The following ANKRD30A variants were observed in gnomAD, a reference collection of about 807,000 sequenced individuals.
ANKRD30A encodes ankyrin repeat domain 30A.
A neutral mutation model predicts 166.3 loss-of-function variants in ANKRD30A; 170 were observed. That is an observed-to-expected ratio of 1.02 (90% CI 0.90 to 1.16). ANKRD30A has a LOEUF of 1.16. ANKRD30A is among the 50% of genes most tolerant of loss of function. The pLI is 0.00. For missense variants in ANKRD30A, 1,630 were observed against 1,518.0 expected, an observed-to-expected ratio of 1.07 and a Z score of -1.23; for synonymous variants, 564 against 508.9, an observed-to-expected ratio of 1.11 and a Z score of -1.46.
At chr10:37,152,036 G>A in intron 11 of ANKRD30A, 24 bp from the exon 12 acceptor site, 2 of 1,578,480 alleles carry the variant, frequency 1.3e-6, no homozygotes, top group Non-Finnish European at 1.7e-6. Context: ...TGTCATGAAT[G>A]TTTCTGTGAT....
At chr10:37,166,812 A>G in intron 19 of ANKRD30A, 117 bp downstream of exon 19, 1 of 1,417,282 alleles carries the variant, frequency 7.1e-7, no homozygotes, top group Non-Finnish European at 9.5e-7. Context: ...CATGGAAAAA[A>G]AGAGAAGTGC....
chr10:37,149,674 T>C lies in ANKRD30A; in HGVS notation c.1567T>C (p.Phe523Leu), dbSNP rs1423000741. 2.5e-6 allele frequency: 4 copies of C among 1,612,478 alleles called. No individual in the cohort carries two copies. The highest frequency in any genetic ancestry group is 3.3e-5 in the Admixed American group (2 of 59,952). The change falls in exon 10 of 36, where the codon TTC becomes CTC. Residue 523 changes from phenylalanine to leucine, a missense_variant. Around this residue, in one of 4 missense-constraint regions of ANKRD30A, gnomAD observed 904 missense variants for 818.5 expected, o/e 1.10. Transcript: ENST00000361713. ...VEEPPKKPSA[F>L]KPAIEMQNSV... ...AGAGCCTCCTAAGAAGCCATCTGCC[T>C]TCAAGGTATTTAGTTTTATTATTTC...
At chr10:37,207,412 G>T (rs1842057752) in intron 31 of ANKRD30A, among the ~76,000 whole-genome samples, 2 of 151,930 alleles carry the variant, frequency 1.3e-5, no homozygotes, top group South Asian at 4.2e-4. Context: ...ATGATAAATG[G>T]GCTCTAAATG....
At chr10:37,201,028 C>T (rs1841580673) in intron 30 of ANKRD30A, among the ~76,000 whole-genome samples, 1 of 151,804 alleles carries the variant, frequency 6.6e-6, no homozygotes, top group African/African-American at 2.4e-5. Context: ...AGTTAATGGC[C>T]ACATGGACAT....
intron 29 of ANKRD30A, among the ~76,000 whole-genome samples, chr10:37,198,595 A>T (rs1303471046): frequency 6.6e-6 from 1 of 152,088 alleles, no homozygotes; most frequent in Middle Eastern, 3.4e-3. Context: ...CTTCTTAGAG[A>T]TATGGTGTTG....
the ANKRD30A span, among the ~76,000 whole-genome samples, chr10:37,256,122 A>G: frequency 6.6e-6 from 1 of 152,044 alleles, no homozygotes. Context: ...CTAGACATTC[A>G]CTTAACTCAT....
chr10:37,229,366 T>C (rs1488678321), intron 34 of ANKRD30A, among the ~76,000 whole-genome samples: 3 of 151,968 alleles, frequency 2.0e-5, no homozygotes, highest in African/African-American at 7.2e-5. Context: ...TATTTTTAGT[T>C]GACATGTACA....
chr10:37,137,873 G>A (rs1267355221), intron 6 of ANKRD30A, among the ~76,000 whole-genome samples: 3 of 152,150 alleles, frequency 2.0e-5, no homozygotes, highest in Non-Finnish European at 4.4e-5. Flanking sequence ...GAAGAGAGTA[G>A]TGGTTCTCGC....
downstream of ANKRD30A, among the ~76,000 whole-genome samples, chr10:37,237,082 C>T (rs111617821): frequency 2.6e-5 from 4 of 152,312 alleles, no homozygotes; most frequent in East Asian, 1.9e-4. Context: ...CATGATTGAG[C>T]TAGAAGACAG....
downstream of ANKRD30A, among the ~76,000 whole-genome samples, chr10:37,236,036 G>A (rs531214742): frequency 5.9e-5 from 9 of 152,188 alleles, no homozygotes; most frequent in Admixed American, 2.0e-4. Flanking sequence ...CCAAAGTGCC[G>A]GGATTACAGG....
chr10:37,158,556 G>T lies in ANKRD30A; in HGVS notation c.1870G>T (p.Glu624Ter), dbSNP rs1396464778. ...AGTTTCTATTCCAACTAAAGCCTTA[G>T]AATTGAAGGACATGCAAACTTTCAA... ...MKVSIPTKAL[E>*]LKDMQTFKAE... Residue 624 changes from glutamate (E) to a stop codon, truncating the protein, a stop_gained, in exon 15 of 36, where the codon GAA (glutamate) becomes TAA (stop). Transcript: ENST00000361713. LOFTEE classifies it high-confidence loss of function. The T allele has an allele frequency of 1.2e-6, 2 of 1,613,208 alleles. No individual in the cohort carries two copies. The highest frequency in any genetic ancestry group is 1.7e-6 in the Non-Finnish European group (2 of 1,179,676).
chr10:37,229,477 A>G (rs1403927803), intron 34 of ANKRD30A, among the ~76,000 whole-genome samples: 1 of 152,014 alleles, frequency 6.6e-6, no homozygotes, highest in Non-Finnish European at 1.5e-5. Flanking sequence ...AACACCTCAA[A>G]CATTTATTAT....
chr10:37,262,755 A>T, the ANKRD30A span, among the ~76,000 whole-genome samples: 1 of 152,230 alleles, frequency 6.6e-6, no homozygotes, highest in Non-Finnish European at 1.5e-5. Flanking sequence ...TAAGCTAACA[A>T]CAGTCATCTC....
chr10:37,248,050 T>A, the ANKRD30A span: 6 of 397,144 alleles, frequency 1.5e-5, no homozygotes, highest in Admixed American at 3.2e-5. Context: ...AATCATGTGG[T>A]AGAAGGGAAC....
chr10:37,189,977 C>G (rs1247065086), intron 25 of ANKRD30A, among the ~76,000 whole-genome samples: 2 of 151,648 alleles, frequency 1.3e-5, no homozygotes, highest in Non-Finnish European at 2.9e-5. Flanking sequence ...ATAAAGTGAC[C>G]TTCTAGAACC....
At chr10:37,256,513 C>T in the ANKRD30A span, among the ~76,000 whole-genome samples, 1 of 152,312 alleles carries the variant, frequency 6.6e-6, no homozygotes, top group South Asian at 2.1e-4. Flanking sequence ...ATACTGCAAG[C>T]TCTATAAAGA....
chr10:37,189,930 G>C (rs1213907768), intron 25 of ANKRD30A, among the ~76,000 whole-genome samples: 2 of 151,852 alleles, frequency 1.3e-5, no homozygotes, highest in African/African-American at 4.9e-5. Context: ...TGATTGCTTA[G>C]GAAAAGATCG....
chr10:37,196,099 T>TATTTA (rs1564549927), intron 27 of ANKRD30A, among the ~76,000 whole-genome samples: 1 of 148,298 alleles, frequency 6.7e-6, no homozygotes. Context: ...TTCTATTTTT[T>TATTTA]TTTTTTTTTT....
intron 9 of ANKRD30A, among the ~76,000 whole-genome samples, chr10:37,148,460 GT>G (rs898052059): frequency 4.6e-5 from 7 of 152,124 alleles, no homozygotes; most frequent in East Asian, 1.9e-4. Context: ...GGAAGTTAGA[GT>G]TTTTTTAAAT....
Sources: allele counts gnomAD v4.1 joint callset (sites outside exome capture counted in the v4.1 genomes callset), GRCh38; gene constraint gnomAD v4.1.1; regional missense constraint gnomAD v4.1.1; transcripts MANE v1.5; gene names NCBI Gene and HGNC (gene_info 2026-07-23, HGNC 2026-07-21).